FCHSD2: variants seen among roughly 807,000 people sequenced by gnomAD.
FCHSD2 encodes FCH and double SH3 domains 2.
In FCHSD2, 38 loss-of-function variants were observed where a neutral mutation model predicts 108.1. The ratio of observed to expected loss-of-function variants is 0.35; its 90% CI spans 0.27 to 0.46. The LOEUF (loss-of-function observed/expected upper bound fraction) is 0.46. Ranked by LOEUF, FCHSD2 falls within the 20% of genes least tolerant of loss-of-function variation. The pLI, the probability that FCHSD2 is intolerant of heterozygous loss-of-function variation, is 1.00. For synonymous variants in FCHSD2, 279 were observed against 314.7 expected (o/e 0.89, Z 1.20); for missense variants, 751 against 897.8 (o/e 0.84, Z 2.09).
intron 9 of FCHSD2, among the ~76,000 whole-genome samples, chr11:72,907,310 T>C (rs532229523): frequency 1.4e-4 from 21 of 152,310 alleles, no homozygotes; most frequent in East Asian, 1.9e-4. Context: ...CTTTTCCTAA[T>C]TGAATACCCT....
Position 72,921,857 on chromosome 11 carries a change from A to C in FCHSD2, c.799T>G (p.Phe267Val), listed in dbSNP as rs756041954. 6.2e-7 allele frequency: 1 copy of C among 1,611,000 alleles called. No individual in the cohort carries two copies. The highest frequency in any genetic ancestry group is 1.3e-5 in the African/African-American group (1 of 74,914). ...LETCQAVQNT[F>V]QFLLENSSKV... ...CTGGAGTTTTCTAATAAAAACTGGA[A>C]TGTGTTCTGCACAGCTTGGCATGTT... Residue 267 changes from phenylalanine to valine, a missense_variant, in exon 9 of 20, where the codon TTC (phenylalanine) becomes GTC (valine). Coordinates refer to ENST00000409418, the MANE Select transcript of FCHSD2 (RefSeq NM_014824.3).
At chr11:73,131,967 G>A (rs1861014450) in intron 2 of FCHSD2, among the ~76,000 whole-genome samples, 2 of 152,058 alleles carry the variant, frequency 1.3e-5, no homozygotes, top group African/African-American at 4.8e-5. Flanking sequence ...TTTTGAATCA[G>A]TCACTGACAT....
At chr11:72,881,758 T>A (rs1049218267) in intron 12 of FCHSD2, among the ~76,000 whole-genome samples, 1 of 152,190 alleles carries the variant, frequency 6.6e-6, no homozygotes, top group African/African-American at 2.4e-5. Flanking sequence ...GGTCATTATG[T>A]TAAGTGAAAT....
intron 10 of FCHSD2, among the ~76,000 whole-genome samples, chr11:72,897,532 A>G (rs939661348): frequency 6.6e-6 from 1 of 152,216 alleles, no homozygotes. Context: ...GGACTTGAAC[A>G]TCTGTGAATT....
At chr11:72,901,907 C>T (rs1468170126) in intron 10 of FCHSD2, among the ~76,000 whole-genome samples, 1 of 151,994 alleles carries the variant, frequency 6.6e-6, no homozygotes, top group Non-Finnish European at 1.5e-5. Context: ...CAGAATCTCA[C>T]TCTGTCATCC....
intron 9 of FCHSD2, among the ~76,000 whole-genome samples, chr11:72,905,515 TGCC>T (rs1375840618): frequency 6.6e-6 from 1 of 152,222 alleles, no homozygotes; most frequent in Non-Finnish European, 1.5e-5. Flanking sequence ...GGTATACATG[TGCC>T]ATGCTGGTTT....
intron 3 of FCHSD2, among the ~76,000 whole-genome samples, chr11:73,031,583 T>C (rs954181454): frequency 6.6e-6 from 1 of 152,286 alleles, no homozygotes. Context: ...TATTTGTATA[T>C]GCATTATGTT....
chr11:73,131,843 A>G (rs1237627393), intron 2 of FCHSD2, among the ~76,000 whole-genome samples: 1 of 152,236 alleles, frequency 6.6e-6, no homozygotes, highest in Non-Finnish European at 1.5e-5. Context: ...TACTTATTAA[A>G]AGAGTTCTTT....
At chr11:72,843,350 AAAC>A (rs1189234768) in intron 15 of FCHSD2, 22 bp from the exon 16 acceptor site, 1 of 1,602,648 alleles carries the variant, frequency 6.2e-7, no homozygotes, top group African/African-American at 1.3e-5. Flanking sequence ...ACATGTGACA[AAAC>A]AAGTTTACAC....
intron 10 of FCHSD2, among the ~76,000 whole-genome samples, chr11:72,897,941 A>G (rs1855455394): frequency 6.6e-6 from 1 of 152,228 alleles, no homozygotes; most frequent in Admixed American, 6.5e-5. Context: ...TCATCTGAGA[A>G]ATGATAATTG....
intron 2 of FCHSD2, among the ~76,000 whole-genome samples, chr11:73,107,300 G>A (rs988567821): frequency 6.6e-6 from 1 of 152,032 alleles, no homozygotes; most frequent in African/African-American, 2.4e-5. Flanking sequence ...TGCCCAGCTC[G>A]GCCTCCCAAA....
chr11:73,099,979 A>T (rs1860180380), intron 2 of FCHSD2, among the ~76,000 whole-genome samples: 1 of 152,200 alleles, frequency 6.6e-6, no homozygotes, highest in South Asian at 2.1e-4. Flanking sequence ...GCCGTTTGTC[A>T]TAGAAGCACT....
At chr11:73,100,802 T>A (rs1860206130) in intron 2 of FCHSD2, among the ~76,000 whole-genome samples, 1 of 152,138 alleles carries the variant, frequency 6.6e-6, no homozygotes, top group African/African-American at 2.4e-5. Flanking sequence ...CTGGTGCTAT[T>A]ATCATTCGTT....
In FCHSD2 at chr11:73,041,954, G is replaced by C. The variant is rs547884777; in HGVS notation, c.166-26069C>G. Among the ~76,000 whole-genome samples the C allele has an allele frequency of 5.3e-5, 8 of 152,220 alleles. No homozygotes were observed. The East Asian group carries it at 1.5e-3, about 29-fold the overall frequency. On this transcript the variant is annotated intron_variant, in intron 3 of 19. Transcript: ENST00000409418. Reference sequence around the variant, plus strand: ...TATTTATTTATGTTTTTGAGACAGAGTCTCACTCGTCACCCAGGTTGGAGT... The same window carrying C: ...TATTTATTTATGTTTTTGAGACAGACTCTCACTCGTCACCCAGGTTGGAGT...
In FCHSD2 at chr11:73,137,451, C is replaced by T. The variant is rs890618134; in HGVS notation, c.119+2580G>A. On this transcript the variant is annotated intron_variant, in intron 2 of 19. Coordinates refer to ENST00000409418, the MANE Select transcript of FCHSD2 (RefSeq NM_014824.3). Reference sequence around the variant, plus strand: ...TGAACCAAAGTATATAACACAAGCTCAACAGAGGCCCCTATAGCTCCCCTA... The same window carrying T: ...TGAACCAAAGTATATAACACAAGCTTAACAGAGGCCCCTATAGCTCCCCTA... 4.6e-5 allele frequency among the ~76,000 whole-genome samples: 7 copies of T among 152,104 alleles called. No homozygotes were observed. In the East Asian group the frequency reaches 1.3e-3, roughly 29 times the overall value.
chr11:72,871,049 C>T (rs781661606), intron 12 of FCHSD2, among the ~76,000 whole-genome samples: 21 of 152,092 alleles, frequency 1.4e-4, no homozygotes, highest in Non-Finnish European at 1.3e-4. Flanking sequence ...ATAAAAAGTT[C>T]CTATTCTCCA....
At chr11:73,097,943 G>C (rs145020567) in intron 2 of FCHSD2, among the ~76,000 whole-genome samples, 290 of 152,180 alleles carry the variant, frequency 1.9e-3, no homozygotes, top group African/African-American at 6.6e-3. Flanking sequence ...AACTGGCTAG[G>C]ACTAGACTTG....
At chr11:73,104,749 A>C (rs1860301807) in intron 2 of FCHSD2, among the ~76,000 whole-genome samples, 1 of 151,566 alleles carries the variant, frequency 6.6e-6, no homozygotes. Flanking sequence ...TTGTATTTTT[A>C]GTAGAGACGG....
intron 2 of FCHSD2, among the ~76,000 whole-genome samples, chr11:73,110,333 C>T (rs1330283260): frequency 1.3e-5 from 2 of 151,992 alleles, no homozygotes; most frequent in African/African-American, 4.8e-5. Context: ...CTTGGCTTTG[C>T]TAGGCGATAT....
Sources: allele counts gnomAD v4.1 joint callset (sites outside exome capture counted in the v4.1 genomes callset), GRCh38; gene constraint gnomAD v4.1.1; transcripts MANE v1.5; gene names NCBI Gene and HGNC (gene_info 2026-07-23, HGNC 2026-07-21).